PTPRG: variants seen among roughly 807,000 people sequenced by gnomAD.
The protein encoded by PTPRG is receptor-type tyrosine-protein phosphatase gamma.
Under a neutral mutation model 165.3 loss-of-function variants are expected in PTPRG, and 102 were observed. That is an observed-to-expected ratio of 0.62 (90% confidence interval 0.53 to 0.73). The LOEUF is 0.73. Ranked by LOEUF, PTPRG falls within the 30% of genes least tolerant of loss-of-function variation. PTPRG has a pLI of 0.00. For missense variants in PTPRG, 1,866 were observed against 1,861.4 expected, an observed-to-expected ratio of 1.00 and a Z score of -0.05; for synonymous variants, 675 against 669.5, an observed-to-expected ratio of 1.01 and a Z score of -0.13.
chr3:61,750,056 CCTAT>C (rs960980568), intron 2 of PTPRG: 17 of 152,078 alleles, frequency 1.1e-4, no homozygotes, highest in African/African-American at 4.1e-4. Flanking sequence ...GGGAGAATAT[CCTAT>C]CTGTTTTGTT....
intron 1 of PTPRG, among the ~76,000 whole-genome samples, chr3:61,607,773 CAAAT>C (rs1255971542): frequency 1.3e-5 from 2 of 152,048 alleles, no homozygotes; most frequent in Non-Finnish European, 2.9e-5. Flanking sequence ...AAACGGGTTG[CAAAT>C]AAATAAATGC....
chr3:61,816,427 G>A (rs531233068), intron 2 of PTPRG, among the ~76,000 whole-genome samples: 6 of 152,292 alleles, frequency 3.9e-5, no homozygotes, highest in Non-Finnish European at 7.4e-5. Flanking sequence ...AGCTACTTGG[G>A]AGGCTGAGGC....
At chr3:62,044,394 C>T (rs1700222057) in intron 4 of PTPRG, among the ~76,000 whole-genome samples, 1 of 152,096 alleles carries the variant, frequency 6.6e-6, no homozygotes. Flanking sequence ...CAAAAATTAG[C>T]CGGGCATGGT....
chr3:62,078,061 T>G (rs974057312), intron 4 of PTPRG, 102 bp from the exon 5 acceptor site: 2 of 730,318 alleles, frequency 2.7e-6, no homozygotes, highest in Non-Finnish European at 4.4e-6. Context: ...TTTGGCAAAA[T>G]CTTATTAGCA....
At chr3:61,771,259 A>G (rs1280066303) in intron 2 of PTPRG, 1 of 151,956 alleles carries the variant, frequency 6.6e-6, no homozygotes, top group Non-Finnish European at 1.5e-5. Context: ...GTAGGTCAGA[A>G]AATCTGCCAA....
intron 5 of PTPRG, among the ~76,000 whole-genome samples, chr3:62,105,415 C>T (rs1702441048): frequency 6.6e-6 from 1 of 152,082 alleles, no homozygotes; most frequent in African/African-American, 2.4e-5. Flanking sequence ...TTATGTTGCT[C>T]CAAATGAATT....
intron 2 of PTPRG, among the ~76,000 whole-genome samples, chr3:61,852,816 C>T (rs968305621): frequency 1.3e-5 from 2 of 152,148 alleles, no homozygotes; most frequent in Non-Finnish European, 2.9e-5. Context: ...CTGATTTATT[C>T]TTGTTTCCAG....
At chr3:61,764,461 C>T (rs1388100731) in intron 2 of PTPRG, among the ~76,000 whole-genome samples, 3 of 152,110 alleles carry the variant, frequency 2.0e-5, no homozygotes, top group Non-Finnish European at 4.4e-5. Flanking sequence ...GTGGACAGAG[C>T]AGCATATACA....
intron 13 of PTPRG, among the ~76,000 whole-genome samples, chr3:62,227,511 T>C (rs1047676789): frequency 6.6e-6 from 1 of 152,236 alleles, no homozygotes; most frequent in Non-Finnish European, 1.5e-5. Context: ...GACTGCATCA[T>C]TCTTGTCCCA....
chr3:61,811,854 A>C (rs938544878), intron 2 of PTPRG, among the ~76,000 whole-genome samples: 2 of 152,272 alleles, frequency 1.3e-5, no homozygotes, highest in East Asian at 3.9e-4. Context: ...CTTGAGTTTT[A>C]TTTTGTTCCT....
intron 2 of PTPRG, among the ~76,000 whole-genome samples, chr3:61,751,492 T>G (rs181019254): frequency 8.3e-4 from 127 of 152,290 alleles, no homozygotes; most frequent in Non-Finnish European, 1.4e-3. Flanking sequence ...TTGTCTTATT[T>G]CCTCCTAAGA....
At chr3:61,922,506 G>T (rs1384917462) in intron 2 of PTPRG, among the ~76,000 whole-genome samples, 1 of 152,278 alleles carries the variant, frequency 6.6e-6, no homozygotes, top group South Asian at 2.1e-4. Context: ...ACGCTTGTGC[G>T]CGTTTGTTAT....
At chr3:61,678,353 CAT>C (rs1703310500) in intron 1 of PTPRG, among the ~76,000 whole-genome samples, 1 of 152,298 alleles carries the variant, frequency 6.6e-6, no homozygotes, top group South Asian at 2.1e-4. Flanking sequence ...AAATAGTCAA[CAT>C]GTGTTTTACA....
chr3:61,621,051 A>ATATATATATATATGTGGGTGTGTGTGTG, intron 1 of PTPRG, among the ~76,000 whole-genome samples: 1 of 117,948 alleles, frequency 8.5e-6, no homozygotes. Flanking sequence ...ATATATATAT[A>ATATATATATATATGTGGGTGTGTGTGTG]TGTGTGTGTG....
chr3:61,941,417 G>T (rs1015925016), intron 2 of PTPRG, among the ~76,000 whole-genome samples: 16 of 152,230 alleles, frequency 1.1e-4, no homozygotes, highest in Admixed American at 4.6e-4. Context: ...GAGGTTAGGA[G>T]ATCGAGACCG....
intron 28 of PTPRG, among the ~76,000 whole-genome samples, chr3:62,285,111 C>T (rs1202784839): frequency 6.6e-6 from 1 of 152,088 alleles, no homozygotes; most frequent in Non-Finnish European, 1.5e-5. Context: ...CTGTCACTCT[C>T]ACATTGCTGA....
At chr3:61,604,275 GATTGC>G (rs1201037608) in intron 1 of PTPRG, among the ~76,000 whole-genome samples, 2 of 152,218 alleles carry the variant, frequency 1.3e-5, no homozygotes, top group African/African-American at 4.8e-5. Context: ...AGTGAGCAGA[GATTGC>G]ACCACTGCAC....
At chr3:61,695,021 T>C (rs890834346) in intron 1 of PTPRG, among the ~76,000 whole-genome samples, 1 of 152,072 alleles carries the variant, frequency 6.6e-6, no homozygotes, top group African/African-American at 2.4e-5. Flanking sequence ...TTTTTCTTTT[T>C]TTTTTTGAGA....
intron 1 of PTPRG, among the ~76,000 whole-genome samples, chr3:61,678,554 T>C (rs1346659660): frequency 2.6e-5 from 4 of 152,148 alleles, no homozygotes; most frequent in Non-Finnish European, 4.4e-5. Context: ...TTTGCATCTT[T>C]GATTTCTCCA....
Sources: allele counts gnomAD v4.1 joint callset (sites outside exome capture counted in the v4.1 genomes callset), GRCh38; gene constraint gnomAD v4.1.1; transcripts MANE v1.5; gene names NCBI Gene and HGNC (gene_info 2026-07-23, HGNC 2026-07-21).